XRCC6: variants seen among roughly 807,000 people sequenced by gnomAD.
XRCC6 encodes X-ray repair cross complementing 6, also known as DNA repair protein Ku70.
In XRCC6, 5 loss-of-function variants were observed where a neutral mutation model predicts 65.7. That is an observed-to-expected ratio of 0.08 (90% CI 0.04 to 0.16). The LOEUF (loss-of-function observed/expected upper bound fraction) is 0.16, where lower values mean the gene tolerates loss of function less well. Ranked by LOEUF, XRCC6 falls within the 10% of genes least tolerant of loss-of-function variation. XRCC6 has a pLI of 1.00. For synonymous variants in XRCC6, 270 were observed against 270.6 expected, an observed-to-expected ratio of 1.00 and a Z score of 0.02; for missense variants, 447 against 738.1, an observed-to-expected ratio of 0.61 and a Z score of 4.57.
Position 41,637,659 on chromosome 22 carries a change from C to T in XRCC6, c.641C>T (p.Ser214Phe), listed in dbSNP as rs1390461982. ...AAGAAACCTGGGGGCTTTGACATAT[C>T]CTTGTTCTACAGAGATATCATCAGC... ...HLKKPGGFDISLFYRDIISIA... is the reference protein window; with the variant it reads ...HLKKPGGFDIFLFYRDIISIA... The change falls in exon 6 of 13, where the codon TCC (serine) becomes TTC (phenylalanine). Residue 214 changes from serine to phenylalanine, a missense_variant. Coordinates refer to ENST00000360079, the MANE Select transcript of XRCC6 (RefSeq NM_001469.5). 17 of 1,611,526 alleles carry T rather than the reference C, an allele frequency of 1.1e-5. No homozygotes were observed. The highest frequency in any genetic ancestry group is 2.7e-5 in the African/African-American group (2 of 74,960).
At chr22:41,633,756 C>G (rs773514335) in intron 3 of XRCC6, among the ~76,000 whole-genome samples, 1 of 152,124 alleles carries the variant, frequency 6.6e-6, no homozygotes, top group African/African-American at 2.4e-5. Context: ...ACAATTCTAC[C>G]TGTAATTTCA....
At position 41,628,241 on chromosome 22, in the gene XRCC6, C is replaced by A; in HGVS notation, c.195+11C>A. 1 of 1,600,880 alleles carries A rather than the reference C, an allele frequency of 6.2e-7. No individual in the cohort carries two copies. Among genetic ancestry groups the A allele is most frequent in the Non-Finnish European group, 8.5e-7 (1 of 1,171,650 alleles). On this transcript the variant is annotated intron_variant, in intron 3 of 12. Coordinates refer to ENST00000360079, the MANE Select transcript of XRCC6 (RefSeq NM_001469.5). ...GACATGAGCATCCAGGTAAGACTAC[C>A]TTTTAATTTAAGACAAATTTAAAAA... is the stretch of plus-strand genomic sequence containing the variant.
intron 3 of XRCC6, among the ~76,000 whole-genome samples, chr22:41,629,184 T>A (rs2147070759): frequency 6.6e-6 from 1 of 152,282 alleles, no homozygotes; most frequent in South Asian, 2.1e-4. Flanking sequence ...TGATTGACTG[T>A]ACCTGACCTG....
Position 41,636,787 on chromosome 22 carries a change from G to T in XRCC6, c.589+17G>T. ...GAGATACAGGTGGGCATATTTCCCC[G>T]TTCTCTTAAATTGGCACTTAATTAT... On this transcript the variant is annotated intron_variant, in intron 5 of 12. Transcript: ENST00000360079. 1.2e-6 allele frequency: 2 copies of T among 1,605,226 alleles called. No homozygotes were observed. The highest frequency in any genetic ancestry group is 8.5e-7 in the Non-Finnish European group (1 of 1,177,268).
At chr22:41,654,592 G>A (rs934088535) in intron 9 of XRCC6, among the ~76,000 whole-genome samples, 1 of 152,208 alleles carries the variant, frequency 6.6e-6, no homozygotes, top group Non-Finnish European at 1.5e-5. Flanking sequence ...GTTACAGGGC[G>A]TAGATTTTTT....
In XRCC6 at chr22:41,631,988, C is replaced by T. The variant is rs553993104; in HGVS notation, c.195+3758C>T. On this transcript the variant is annotated intron_variant, in intron 3 of 12. Transcript: ENST00000360079. Reference sequence around the variant, plus strand: ...CAAAAAAATACGAAAACCAGTCAGGCGTGGCGGCACGCGCCTGCAATCGCA... The same window carrying T: ...CAAAAAAATACGAAAACCAGTCAGGTGTGGCGGCACGCGCCTGCAATCGCA... Among the ~76,000 whole-genome samples, 234 of 152,216 alleles carry T rather than the reference C, an allele frequency of 1.5e-3. 2 individuals are homozygous for T. In the South Asian group the frequency reaches 0.047, roughly 31 times the overall value.
At chr22:41,647,733 CGTTTT>C (rs1394157738) in intron 7 of XRCC6, among the ~76,000 whole-genome samples, 3 of 151,888 alleles carry the variant, frequency 2.0e-5, no homozygotes, top group Admixed American at 6.6e-5. Context: ...TTTTTTGTTT[CGTTTT>C]GTTTTGTTTT....
rs1397341705 is a variant in XRCC6 at position 41,635,565 on chromosome 22, A to T, written c.196-548A>T. ...CTTCTTTTCCTTTTTTCTTGAGATA[A>T]GGTCTCACTCTGTTGCCCAGGCTGG... On this transcript the variant is annotated intron_variant, in intron 3 of 12. Transcript: ENST00000360079. Among the ~76,000 whole-genome samples the T allele has an allele frequency of 2.0e-5, 3 of 152,054 alleles. No homozygotes were observed. The East Asian group carries it at 5.8e-4, about 29-fold the overall frequency.
At chr22:41,656,093 G>A (rs1242611637) in intron 9 of XRCC6, among the ~76,000 whole-genome samples, 3 of 151,432 alleles carry the variant, frequency 2.0e-5, no homozygotes, top group Non-Finnish European at 4.4e-5. Context: ...GTAGCCAAGT[G>A]TGGTGGCATT....
chr22:41,622,822 G>T (rs187981724), intron 2 of XRCC6, among the ~76,000 whole-genome samples: 24 of 152,016 alleles, frequency 1.6e-4, no homozygotes, highest in Admixed American at 1.2e-3. Context: ...GCGGTCGCCT[G>T]TAGTCCCAGC....
intron 6 of XRCC6, among the ~76,000 whole-genome samples, chr22:41,639,949 C>T (rs978412569): frequency 9.9e-5 from 15 of 151,278 alleles, no homozygotes; most frequent in African/African-American, 3.2e-4. Flanking sequence ...TGAGCCTCTG[C>T]GTCCGGCCTA....
Position 41,653,522 on chromosome 22 carries a change from T to C in XRCC6, c.1130-7T>C. The C allele has an allele frequency of 1.3e-6, 2 of 1,569,282 alleles. No homozygotes were observed. The highest frequency in any genetic ancestry group is 1.7e-6 in the Non-Finnish European group (2 of 1,151,064). On this transcript the variant is annotated splice_polypyrimidine_tract_variant and splice_region_variant and intron_variant, in intron 8 of 12. Coordinates refer to ENST00000360079, the MANE Select transcript of XRCC6 (RefSeq NM_001469.5). ...GGAGGCTAGTCACTGGGCTTTTTGT[T>C]TTCTAGGGAGCTCAACCCTGTTCAG...
chr22:41,643,984 CAAA>C (rs1219444238), intron 6 of XRCC6, among the ~76,000 whole-genome samples: 2 of 66,952 alleles, frequency 3.0e-5, no homozygotes, highest in Admixed American at 1.5e-4. Flanking sequence ...GACTCCATCT[CAAA>C]AAAAAAAAAA....
chr22:41,636,890 A>T (rs2067816034), intron 5 of XRCC6, 120 bp downstream of exon 5: 1 of 1,335,460 alleles, frequency 7.5e-7, no homozygotes, highest in Admixed American at 2.7e-5. Flanking sequence ...TGGGACTATA[A>T]GCATGTGCTG....
At chr22:41,660,861 C>T (rs1298023326) in intron 11 of XRCC6, among the ~76,000 whole-genome samples, 1 of 152,090 alleles carries the variant, frequency 6.6e-6, no homozygotes, top group Non-Finnish European at 1.5e-5. Flanking sequence ...CTCCACTGTA[C>T]CACTGCCCTT....
rs1463325354 is a variant in XRCC6 at position 41,636,614 on chromosome 22, G to A, written c.433G>A (p.Glu145Lys). The A allele has an allele frequency of 6.2e-7, 1 of 1,613,942 alleles. No homozygotes were observed. The highest frequency in any genetic ancestry group is 8.5e-7 in the Non-Finnish European group (1 of 1,180,014). Residue 145 changes from glutamate to lysine, a missense_variant, in exon 5 of 13, where the codon GAA becomes AAA. Glu to Lys is a moderately conservative substitution (Grantham distance 56, BLOSUM62 1). Around this residue, in one of 4 missense-constraint regions of XRCC6, gnomAD observed 228 missense variants for 307.4 expected, o/e 0.74. Transcript: ENST00000360079. ...MGHGSDYSLS[E>K]VLWVCANLFS... Reference sequence around the variant, plus strand: ...CCACGGATCTGACTACTCACTCAGTGAAGTGCTGTGGGTCTGTGCCAACCT... The same window carrying A: ...CCACGGATCTGACTACTCACTCAGTAAAGTGCTGTGGGTCTGTGCCAACCT...
chr22:41,656,949 G>T lies in XRCC6; in HGVS notation c.1338G>T (p.Met446Ile), dbSNP rs2068050600. The change falls in exon 10 of 13, where the codon ATG becomes ATT. Residue 446 changes from methionine (M) to isoleucine (I), a missense_variant. By Grantham distance (10) the Met-to-Ile change is conservative. Transcript: ENST00000360079. ...FLPFADDKRK[M>I]PFTEKIMATP... Reference sequence around the variant, plus strand: ...CCTTTGCTGATGATAAAAGGAAGATGCCCTTTACTGAAAAAATCATGGCAA... The same window carrying T: ...CCTTTGCTGATGATAAAAGGAAGATTCCCTTTACTGAAAAAATCATGGCAA... The T allele has an allele frequency of 6.2e-7, 1 of 1,612,826 alleles. No individual in the cohort carries two copies. Among genetic ancestry groups the T allele is most frequent in the Admixed American group, 1.7e-5 (1 of 59,586 alleles).
chr22:41,656,792 C>CG, intron 9 of XRCC6, 111 bp from the exon 10 acceptor site: 1 of 1,459,438 alleles, frequency 6.9e-7, no homozygotes, highest in Non-Finnish European at 9.3e-7. Context: ...ATGGGGCCTA[C>CG]GGGGCCCCAG....
intron 2 of XRCC6, among the ~76,000 whole-genome samples, chr22:41,624,957 A>T (rs1176776004): frequency 1.3e-5 from 2 of 152,096 alleles, no homozygotes; most frequent in Non-Finnish European, 2.9e-5. Context: ...AGATTGCGCC[A>T]CTGCTCTCCA....
Sources: allele counts gnomAD v4.1 joint callset (sites outside exome capture counted in the v4.1 genomes callset), GRCh38; gene constraint gnomAD v4.1.1; regional missense constraint gnomAD v4.1.1; transcripts MANE v1.5; gene names NCBI Gene and HGNC (gene_info 2026-07-23, HGNC 2026-07-21).